Variants in CCDC60 observed in about 807,000 individuals in gnomAD.
The protein encoded by CCDC60 is coiled-coil domain-containing protein 60.
CCDC60 carries 54 observed loss-of-function variants against 63.5 expected under a neutral mutation model. The observed-to-expected ratio is 0.85, with a 90% CI of 0.68 to 1.07. The LOEUF is 1.07. Among genes scored for constraint, CCDC60 ranks in the 50% least tolerant of loss-of-function variants. The probability of loss-of-function intolerance (pLI) is 0.00; values close to 1 mark genes in which losing one functional copy is unlikely to be tolerated. For synonymous variants in CCDC60, 206 were observed against 238.8 expected (o/e 0.86, Z 1.27); for missense variants, 651 against 684.3 (o/e 0.95, Z 0.54).
In CCDC60 at chr12:119,425,679, C is replaced by T. The variant is rs549199316; in HGVS notation, c.91-3004C>T. ...CCAAGGCTGGCTACCCTCATGGGCA[C>T]GAAATGGCTGCAAGCAACTCGCAGG... is the stretch of plus-strand genomic sequence containing the variant. On this transcript the variant is annotated intron_variant, in intron 1 of 13. Coordinates refer to ENST00000327554, the MANE Select transcript of CCDC60 (RefSeq NM_178499.5). Among the ~76,000 whole-genome samples, 87 of 152,296 alleles carry T rather than the reference C, an allele frequency of 5.7e-4. 2 individuals are homozygous for T. In the South Asian group the frequency reaches 0.016, roughly 29 times the overall value.
chr12:119,458,837 C>T (rs1323802553), intron 2 of CCDC60, among the ~76,000 whole-genome samples: 1 of 152,098 alleles, frequency 6.6e-6, no homozygotes, highest in African/African-American at 2.4e-5. Context: ...ACCTCCACCT[C>T]CTGGGTTCAA....
intron 1 of CCDC60, among the ~76,000 whole-genome samples, chr12:119,342,168 T>G (rs1955539556): frequency 6.6e-6 from 1 of 152,172 alleles, no homozygotes; most frequent in Admixed American, 6.5e-5. Context: ...CTTTCCCTCA[T>G]GGTCACAAAA....
intron 2 of CCDC60, among the ~76,000 whole-genome samples, chr12:119,455,937 AAGAGAGAG>A (rs146576566): frequency 8.0e-6 from 1 of 125,450 alleles, no homozygotes; most frequent in Admixed American, 8.4e-5. Context: ...AAGAAAGAGA[AAGAGAGAG>A]AAAGGAAGGA....
rs12313504 is a variant in CCDC60, at chr12:119,356,237, C to A, written c.90+20971C>A. 8.9e-3 allele frequency among the ~76,000 whole-genome samples: 1,355 copies of A among 152,300 alleles called. 22 individuals carry two copies. Among genetic ancestry groups the A allele is most frequent in the African/African-American group, 0.03 (1,254 of 41,552 alleles). On this transcript the variant is annotated intron_variant, in intron 1 of 13. Transcript: ENST00000327554. Reference sequence around the variant, plus strand: ...TCTAGAGGGCCATTTACTCCTGGAACCAGCCATCTTCAGTGAAATCTCTTT... The same window carrying A: ...TCTAGAGGGCCATTTACTCCTGGAAACAGCCATCTTCAGTGAAATCTCTTT...
chr12:119,357,725 A>T (rs1565968941), intron 1 of CCDC60, among the ~76,000 whole-genome samples: 1 of 152,208 alleles, frequency 6.6e-6, no homozygotes, highest in Non-Finnish European at 1.5e-5. Context: ...AAGTGCTGGG[A>T]TTACAGGGGT....
intron 7 of CCDC60, 120 bp downstream of exon 7, chr12:119,505,423 A>G: frequency 1.5e-6 from 1 of 649,034 alleles, no homozygotes; most frequent in Non-Finnish European, 2.7e-6. Flanking sequence ...GGGATCCCGC[A>G]TCCTTGTTCA....
chr12:119,480,481 T>C (rs1951279133), intron 4 of CCDC60, among the ~76,000 whole-genome samples: 1 of 152,194 alleles, frequency 6.6e-6, no homozygotes. Context: ...AGTGAAATCA[T>C]AGGATAAGAT....
intron 1 of CCDC60, among the ~76,000 whole-genome samples, chr12:119,414,081 C>T (rs1311439606): frequency 6.6e-6 from 1 of 151,942 alleles, no homozygotes; most frequent in Non-Finnish European, 1.5e-5. Context: ...TGCAGTGGTG[C>T]GATCTTGGCT....
At chr12:119,398,468 G>T (rs959155901) in intron 1 of CCDC60, among the ~76,000 whole-genome samples, 1 of 152,170 alleles carries the variant, frequency 6.6e-6, no homozygotes, top group Non-Finnish European at 1.5e-5. Flanking sequence ...GCCTCGGCCA[G>T]CCCTGAGAGG....
chr12:119,414,294 C>T (rs1956660888), intron 1 of CCDC60, among the ~76,000 whole-genome samples: 1 of 152,198 alleles, frequency 6.6e-6, no homozygotes, highest in African/African-American at 2.4e-5. Context: ...GCTGGGATTA[C>T]AGGTGTGAGC....
chr12:119,454,945 C>T (rs1950696635), intron 2 of CCDC60, among the ~76,000 whole-genome samples: 1 of 152,166 alleles, frequency 6.6e-6, no homozygotes, highest in African/African-American at 2.4e-5. Flanking sequence ...GCTGCTGGAG[C>T]AGCTTCAGGC....
chr12:119,428,957 C>A (rs1048016371), intron 2 of CCDC60, 195 bp downstream of exon 2: 5 of 417,502 alleles, frequency 1.2e-5, no homozygotes, highest in Non-Finnish European at 2.0e-5. Flanking sequence ...CAGGGAGTAC[C>A]CATGCCATGC....
intron 2 of CCDC60, among the ~76,000 whole-genome samples, chr12:119,459,546 C>G (rs1382115385): frequency 2.0e-5 from 3 of 152,202 alleles, no homozygotes; most frequent in Admixed American, 1.3e-4. Flanking sequence ...AATTATGGCT[C>G]TGGAGTCATA....
chr12:119,493,304 T>C (rs1951634691), intron 5 of CCDC60, among the ~76,000 whole-genome samples: 1 of 152,050 alleles, frequency 6.6e-6, no homozygotes, highest in Admixed American at 6.6e-5. Flanking sequence ...CCCTCCCCCT[T>C]ATGGATTTTA....
chr12:119,477,721 T>G (rs1951205948), intron 3 of CCDC60, among the ~76,000 whole-genome samples: 1 of 152,194 alleles, frequency 6.6e-6, no homozygotes, highest in Non-Finnish European at 1.5e-5. Flanking sequence ...CAGGGATGCT[T>G]GTGTTTGGGG....
intron 7 of CCDC60, among the ~76,000 whole-genome samples, chr12:119,508,023 T>C (rs1384593911): frequency 6.6e-6 from 1 of 151,858 alleles, no homozygotes; most frequent in East Asian, 1.9e-4. Context: ...TTTTAAAAAT[T>C]AGCCAGGCAT....
At chr12:119,408,187 T>G (rs969787314) in intron 1 of CCDC60, among the ~76,000 whole-genome samples, 2 of 151,924 alleles carry the variant, frequency 1.3e-5, no homozygotes, top group African/African-American at 4.9e-5. Flanking sequence ...ATCAACTGTT[T>G]CTTGTGGAGA....
At chr12:119,394,454 G>A (rs1211386944) in intron 1 of CCDC60, among the ~76,000 whole-genome samples, 1 of 152,210 alleles carries the variant, frequency 6.6e-6, no homozygotes, top group African/African-American at 2.4e-5. Context: ...TGGTAGTCCA[G>A]GCAAGGACAT....
intron 1 of CCDC60, among the ~76,000 whole-genome samples, chr12:119,376,274 C>T (rs1362111116): frequency 6.6e-6 from 1 of 152,188 alleles, no homozygotes; most frequent in Non-Finnish European, 1.5e-5. Context: ...CATCCTTGAT[C>T]ACTTTGATCC....
Sources: gnomAD v4.1 joint callset for allele counts (sites outside exome capture counted in the v4.1 genomes callset) on GRCh38, gnomAD v4.1.1 for gene constraint, MANE v1.5 for transcripts, NCBI Gene and HGNC (gene_info 2026-07-23, HGNC 2026-07-21) for gene names.